The following SLC30A6 variants were observed in gnomAD, a reference collection of about 807,000 sequenced individuals.
SLC30A6 encodes the protein solute carrier family 30 member 6.
SLC30A6 carries 55 observed loss-of-function variants against 63.0 expected under a neutral mutation model. That is an observed-to-expected ratio of 0.87 (90% confidence interval 0.70 to 1.09). The LOEUF (loss-of-function observed/expected upper bound fraction) is 1.09. SLC30A6 is among the 50% of genes least tolerant of loss of function. The pLI is 0.00. For synonymous variants in SLC30A6, 224 were observed against 186.1 expected (o/e 1.20, Z -1.66); for missense variants, 587 against 549.2 (o/e 1.07, Z -0.69).
chr2:32,181,433 A>G (rs1197737857), intron 4 of SLC30A6, among the ~76,000 whole-genome samples: 2 of 152,228 alleles, frequency 1.3e-5, no homozygotes, highest in Admixed American at 1.3e-4. Flanking sequence ...AATTATAGAA[A>G]AATTTTCAGA....
chr2:32,193,230 TA>T (rs1464757011), intron 7 of SLC30A6, among the ~76,000 whole-genome samples: 1 of 152,174 alleles, frequency 6.6e-6, no homozygotes, highest in Non-Finnish European at 1.5e-5. Context: ...CAGCTTCCCC[TA>T]GTCTTCTGTA....
In SLC30A6 at chr2:32,172,316, G is replaced by T. The variant is rs530147664; in HGVS notation, c.90+943G>T. Among the ~76,000 whole-genome samples, 31 of 152,038 alleles carry T rather than the reference G, an allele frequency of 2.0e-4. No individual in the cohort carries two copies. The East Asian group carries it at 6.0e-3, about 29-fold the overall frequency. Reference sequence around the variant, plus strand: ...CATATTTTCACTATTTTTCAACTCCGTTATCCTCATTTGCTTCCTTATCCA... The same window carrying T: ...CATATTTTCACTATTTTTCAACTCCTTTATCCTCATTTGCTTCCTTATCCA... On this transcript the variant is annotated intron_variant, in intron 2 of 13. Coordinates refer to ENST00000282587, the MANE Select transcript of SLC30A6 (RefSeq NM_017964.5).
In SLC30A6 at chr2:32,175,320, T is replaced by G; in HGVS notation, c.177T>G (p.Ala59=). Residue 59 remains alanine, a splice_region_variant and synonymous_variant, in exon 4 of 14, where the codon GCT becomes GCG. Coordinates refer to ENST00000282587, the MANE Select transcript of SLC30A6 (RefSeq NM_017964.5). ...AATCATTTTTTTGTTGTTTTGCAGC[T>G]TTAACTGCCTATACTTACCTGACCA... ...LMWCSSTNSI[A]LTAYTYLTIF... The G allele has an allele frequency of 6.2e-7, 1 of 1,611,446 alleles. No individual in the cohort carries two copies. The highest frequency in any genetic ancestry group is 1.1e-5 in the South Asian group (1 of 90,726).
chr2:32,200,677 C>T (rs1684208711), intron 10 of SLC30A6, among the ~76,000 whole-genome samples: 2 of 151,492 alleles, frequency 1.3e-5, no homozygotes, highest in Non-Finnish European at 2.9e-5. Context: ...AGAGTCATCA[C>T]CACTCCCTAA....
In SLC30A6 at chr2:32,192,962, T is replaced by C; in HGVS notation, c.401+9T>C. On this transcript the variant is annotated intron_variant, in intron 7 of 13. Coordinates refer to ENST00000282587, the MANE Select transcript of SLC30A6 (RefSeq NM_017964.5). ...CAGCCCGAGATACACACGTGAGATT[T>C]TATTTTCAATATATAATTTACTATT... is the stretch of plus-strand genomic sequence containing the variant. 6.7e-7 allele frequency: 1 copy of C among 1,489,444 alleles called. No homozygotes were observed. 92.3% of individuals were successfully genotyped at this position (1,489,444 alleles called of 1,614,324 possible). A position where few individuals can be genotyped will look rare whatever the true frequency, so the allele number is the denominator to read the frequency against.
chr2:32,203,449 G>C, intron 10 of SLC30A6: 1 of 1,546,176 alleles, frequency 6.5e-7, no homozygotes, highest in Admixed American at 1.7e-5. Context: ...CATCAGCTCA[G>C]ATACTGACAG....
intron 12 of SLC30A6, among the ~76,000 whole-genome samples, chr2:32,207,586 AG>A (rs1182704204): frequency 6.6e-6 from 1 of 151,620 alleles, no homozygotes; most frequent in Non-Finnish European, 1.5e-5. Context: ...TGTGTTGGCC[AG>A]GCTGGTCTTG....
chr2:32,186,455 G>A (rs1028930491), intron 5 of SLC30A6, among the ~76,000 whole-genome samples: 3 of 152,224 alleles, frequency 2.0e-5, no homozygotes, highest in Admixed American at 6.5e-5. Flanking sequence ...GGAGGCCAAG[G>A]TGGGTGGATC....
chr2:32,194,828 G>A (rs1683634432), intron 8 of SLC30A6, among the ~76,000 whole-genome samples: 1 of 152,012 alleles, frequency 6.6e-6, no homozygotes, highest in Non-Finnish European at 1.5e-5. Context: ...TGATAATTAA[G>A]ATCACTAGAA....
At chr2:32,173,449 CT>C (rs1380960012) in intron 2 of SLC30A6, among the ~76,000 whole-genome samples, 1 of 151,572 alleles carries the variant, frequency 6.6e-6, no homozygotes, top group Admixed American at 6.6e-5. Context: ...TCTCATCTTA[CT>C]GCAACCTCTG....
At chr2:32,169,282 C>T (rs962536338) in intron 1 of SLC30A6, among the ~76,000 whole-genome samples, 7 of 152,130 alleles carry the variant, frequency 4.6e-5, no homozygotes, top group Non-Finnish European at 1.0e-4. Context: ...GATCCTTCCA[C>T]CTTGGTGTCC....
chr2:32,174,831 C>T (rs1332030576), intron 3 of SLC30A6, among the ~76,000 whole-genome samples: 2 of 152,104 alleles, frequency 1.3e-5, no homozygotes, highest in Non-Finnish European at 2.9e-5. Context: ...GGATTACAGG[C>T]GTGAGCCACC....
intron 8 of SLC30A6, 102 bp from the exon 9 acceptor site, chr2:32,197,242 A>G: frequency 5.1e-6 from 5 of 981,112 alleles, no homozygotes; most frequent in Non-Finnish European, 7.6e-6. Context: ...AATGTTATTC[A>G]GTCACTGCCA....
At chr2:32,219,723 A>C (rs1238455819) in intron 13 of SLC30A6, among the ~76,000 whole-genome samples, 1 of 152,212 alleles carries the variant, frequency 6.6e-6, no homozygotes, top group East Asian at 1.9e-4. Context: ...GATGTGAGCC[A>C]CTGCGCCCGG....
At chr2:32,201,402 A>G (rs758621860) in intron 10 of SLC30A6, among the ~76,000 whole-genome samples, 28 of 152,224 alleles carry the variant, frequency 1.8e-4, no homozygotes, top group Non-Finnish European at 3.5e-4. Flanking sequence ...TTGAAGTCTT[A>G]TTAGAAATAA....
chr2:32,213,810 TGTTTTTG>T (rs1450355190), intron 13 of SLC30A6, among the ~76,000 whole-genome samples: 1 of 132,444 alleles, frequency 7.6e-6, no homozygotes, highest in South Asian at 2.4e-4. Context: ...TTTTTTTTTT[TGTTTTTG>T]TTTTGAGACG....
At chr2:32,216,694 G>A (rs971744935) in intron 13 of SLC30A6, among the ~76,000 whole-genome samples, 15 of 151,910 alleles carry the variant, frequency 9.9e-5, no homozygotes, top group Admixed American at 6.6e-4. Context: ...ATGCTTCTTG[G>A]CCACTTGTAT....
Position 32,224,301 on chromosome 2 carries a change from A to G in SLC30A6, c.*3588A>G. ...GAATGAGAATTCCTTCAAGGCGCCG[A>G]TAATCCTAGTAGGAGAGCTAAGACA... On this transcript the variant is annotated 3_prime_UTR_variant, in exon 14 of 14. Coordinates refer to ENST00000282587, the MANE Select transcript of SLC30A6 (RefSeq NM_017964.5). 1 of 542,584 alleles carries G rather than the reference A, an allele frequency of 1.8e-6. No individual in the cohort carries two copies. The highest frequency in any genetic ancestry group is 3.2e-6 in the Non-Finnish European group (1 of 312,892). The allele number at this position is 542,584 out of a possible 1,614,324, so 33.6% of individuals were successfully genotyped here.
chr2:32,167,379 A>C (rs2366736), intron 1 of SLC30A6, among the ~76,000 whole-genome samples: 74,377 of 138,016 alleles, frequency 0.54, 19,077 homozygotes, highest in East Asian at 0.67. Flanking sequence ...CAGGCCACAA[A>C]CTCTTTTTTT....
Sources: allele counts gnomAD v4.1 joint callset (sites outside exome capture counted in the v4.1 genomes callset), GRCh38; gene constraint gnomAD v4.1.1; transcripts MANE v1.5; gene names NCBI Gene and HGNC (gene_info 2026-07-23, HGNC 2026-07-21).